The following ROBO1 variants were observed in gnomAD, a reference collection of about 807,000 sequenced individuals.
ROBO1 encodes roundabout guidance receptor 1.
Under a neutral mutation model 195.9 loss-of-function variants are expected in ROBO1, and 149 were observed. That is an observed-to-expected ratio of 0.76 (90% CI 0.67 to 0.87). The LOEUF is 0.87. Among genes scored for constraint, ROBO1 ranks in the 40% least tolerant of loss-of-function variants. ROBO1 has a pLI of 0.00. For synonymous variants in ROBO1, 816 were observed against 733.2 expected (o/e 1.11, Z -1.82); for missense variants, 1,933 against 2,068.3 (o/e 0.93, Z 1.27).
At chr3:79,589,658 AC>A (rs1943934071) in intron 2 of ROBO1, among the ~76,000 whole-genome samples, 165 bp downstream of exon 2, 1 of 151,916 alleles carries the variant, frequency 6.6e-6, no homozygotes, top group East Asian at 1.9e-4. Flanking sequence ...TAATAATTTG[AC>A]CCCTGAAATT....
At position 79,588,961 on chromosome 3, in the gene ROBO1, G is replaced by A. The variant is rs1576077343; in HGVS notation, c.88+863C>T. Among the ~76,000 whole-genome samples the A allele has an allele frequency of 2.0e-5, 3 of 151,720 alleles. No homozygotes were observed. The Middle Eastern group carries it at 0.01, about 516-fold the overall frequency. ...TTGAAATCTTTGATTTTGTGTGGATGAACATGACAAGTTACATATAGTTGC... is the reference window on the plus strand; with the variant it reads ...TTGAAATCTTTGATTTTGTGTGGATAAACATGACAAGTTACATATAGTTGC... On this transcript the variant is annotated intron_variant, in intron 2 of 30. Coordinates refer to ENST00000464233, the MANE Select transcript of ROBO1 (RefSeq NM_002941.4).
rs560837018 is a variant in ROBO1, at chr3:79,672,275, CT to C, written c.-50-82315del. Among the ~76,000 whole-genome samples the C allele has an allele frequency of 5.7e-3, 867 of 152,002 alleles. 6 individuals are homozygous for C. The highest frequency in any genetic ancestry group is 0.018 in the African/African-American group (752 of 41,488). Reference sequence around the variant, plus strand: ...TTAAGAGGTTCACACACACTAACACCTTTTAACCTTACCAGTGACACAGCTG... The same window carrying C: ...TTAAGAGGTTCACACACACTAACACCTTTAACCTTACCAGTGACACAGCTG... On this transcript the variant is annotated intron_variant, in intron 1 of 30. Transcript: ENST00000464233.
intron 2 of ROBO1, among the ~76,000 whole-genome samples, chr3:79,480,756 TTA>T (rs1938797299): frequency 6.6e-6 from 1 of 152,130 alleles, no homozygotes; most frequent in African/African-American, 2.4e-5. Context: ...TTGGTTTAGT[TTA>T]TGTGTGGGGA....
At chr3:79,127,841 C>A (rs947771534) in intron 2 of ROBO1, among the ~76,000 whole-genome samples, 5 of 152,310 alleles carry the variant, frequency 3.3e-5, no homozygotes, top group Non-Finnish European at 7.3e-5. Flanking sequence ...TTTCTGGCCC[C>A]TTCTTAGGCT....
intron 2 of ROBO1, among the ~76,000 whole-genome samples, chr3:79,456,806 C>A: frequency 6.6e-6 from 1 of 152,004 alleles, no homozygotes; most frequent in East Asian, 1.9e-4. Context: ...TAATAATATT[C>A]TTTCCTCCAA....
intron 2 of ROBO1, among the ~76,000 whole-genome samples, chr3:79,218,853 G>A (rs951703672): frequency 2.0e-5 from 3 of 151,676 alleles, no homozygotes; most frequent in Non-Finnish European, 1.5e-5. Flanking sequence ...TTTTTTTCCT[G>A]TAGATATCAG....
intron 2 of ROBO1, among the ~76,000 whole-genome samples, chr3:79,241,871 C>G (rs1344086358): frequency 6.6e-6 from 1 of 151,434 alleles, no homozygotes; most frequent in Non-Finnish European, 1.5e-5. Flanking sequence ...GACCTCTACT[C>G]TTATAGCAGG....
chr3:79,333,936 C>T (rs1387409080), intron 2 of ROBO1, among the ~76,000 whole-genome samples: 1 of 152,054 alleles, frequency 6.6e-6, no homozygotes, highest in Non-Finnish European at 1.5e-5. Context: ...TAAATGCTAC[C>T]AGATTGGCAC....
chr3:79,222,661 A>C (rs1406702111), intron 2 of ROBO1, among the ~76,000 whole-genome samples: 1 of 151,680 alleles, frequency 6.6e-6, no homozygotes, highest in Non-Finnish European at 1.5e-5. Flanking sequence ...CCATTTGTTT[A>C]TTATCAACAT....
intron 2 of ROBO1, among the ~76,000 whole-genome samples, chr3:79,568,554 T>C (rs1301033449): frequency 3.3e-5 from 5 of 151,624 alleles, no homozygotes; most frequent in Non-Finnish European, 5.9e-5. Context: ...CTTTGTCTCA[T>C]TGACTAAATA....
At chr3:79,092,674 A>G (rs2079500988) in intron 3 of ROBO1, among the ~76,000 whole-genome samples, 1 of 152,182 alleles carries the variant, frequency 6.6e-6, no homozygotes. Flanking sequence ...AGCAATAGCT[A>G]TATGTCAAGG....
chr3:79,333,059 CA>C (rs987902600), intron 2 of ROBO1, among the ~76,000 whole-genome samples: 204 of 151,870 alleles, frequency 1.3e-3, no homozygotes, highest in African/African-American at 4.7e-3. Flanking sequence ...AAAAATTAGC[CA>C]GGGGGGGTAG....
chr3:79,370,699 G>T (rs968964681), intron 2 of ROBO1, among the ~76,000 whole-genome samples: 1 of 151,154 alleles, frequency 6.6e-6, no homozygotes, highest in African/African-American at 2.4e-5. Context: ...TAAGTTCTGG[G>T]CTAAATGTGC....
intron 4 of ROBO1, among the ~76,000 whole-genome samples, chr3:78,834,010 T>C (rs1360991613): frequency 6.6e-6 from 1 of 151,992 alleles, no homozygotes. Flanking sequence ...GAGAATAAAA[T>C]CTCACAGAAT....
intron 10 of ROBO1, among the ~76,000 whole-genome samples, chr3:78,673,562 T>TTATATATATATATATA (rs1166250669): frequency 6.3e-5 from 4 of 63,376 alleles, no homozygotes; most frequent in Non-Finnish European, 9.7e-5. Flanking sequence ...TACATATATT[T>TTATATATATATATATA]TATATATATA....
rs189378596 is a variant in ROBO1, at chr3:78,909,335, C to T, written c.499+29266G>A. On this transcript the variant is annotated intron_variant, in intron 4 of 30. Coordinates refer to ENST00000464233, the MANE Select transcript of ROBO1 (RefSeq NM_002941.4). ...ACAATAATAATTTTTATGTCCACATCAAGTATTATGTCATAATTTTCCTAT... is the reference window on the plus strand; with the variant it reads ...ACAATAATAATTTTTATGTCCACATTAAGTATTATGTCATAATTTTCCTAT... Among the ~76,000 whole-genome samples, 71 of 151,804 alleles carry T rather than the reference C, an allele frequency of 4.7e-4. 1 individual carries two copies. Among genetic ancestry groups the T allele is most frequent in the Middle Eastern group, 6.8e-3 (2 of 292 alleles).
intron 1 of ROBO1, among the ~76,000 whole-genome samples, chr3:79,730,309 G>T (rs561052692): frequency 6.6e-6 from 1 of 152,250 alleles, no homozygotes; most frequent in Non-Finnish European, 1.5e-5. Context: ...TATTAAGAGT[G>T]ATAAGAATCA....
intron 3 of ROBO1, among the ~76,000 whole-genome samples, chr3:79,073,501 G>T (rs1466542654): frequency 6.6e-6 from 1 of 151,846 alleles, no homozygotes; most frequent in African/African-American, 2.4e-5. Context: ...CCAAGACAGT[G>T]CCTGTTTCTT....
chr3:79,643,736 A>G (rs540208755), intron 1 of ROBO1, among the ~76,000 whole-genome samples: 1 of 152,256 alleles, frequency 6.6e-6, no homozygotes, highest in Admixed American at 6.5e-5. Context: ...TAGATTGACT[A>G]AACATGAAAA....
Sources: allele counts gnomAD v4.1 joint callset (sites outside exome capture counted in the v4.1 genomes callset), GRCh38; gene constraint gnomAD v4.1.1; transcripts MANE v1.5; gene names NCBI Gene and HGNC (gene_info 2026-07-23, HGNC 2026-07-21).